The following E2F6 variants were observed in gnomAD, a reference collection of about 807,000 sequenced individuals.
The protein encoded by E2F6 is transcription factor E2F6.
Under a neutral mutation model 31.5 loss-of-function variants are expected in E2F6, and 19 were observed. That is an observed-to-expected ratio of 0.60 (90% confidence interval 0.42 to 0.89). E2F6 has a LOEUF of 0.89. E2F6 is among the 40% of genes least tolerant of loss of function. The probability of loss-of-function intolerance (pLI) is 0.00; values close to 1 mark genes in which losing one functional copy is unlikely to be tolerated. For synonymous variants in E2F6, 121 were observed against 127.7 expected (o/e 0.95, Z 0.36); for missense variants, 269 against 341.6 (o/e 0.79, Z 1.67).
Position 11,453,569 on chromosome 2 carries a change from G to A in E2F6, c.380+13C>T, listed in dbSNP as rs372620661. ...AGGAACAAAAGCCACGAAAAAGTTT[G>A]AAAGCAACTCACATCCATCTAATAT... On this transcript the variant is annotated intron_variant, in intron 3 of 6. Transcript: ENST00000381525. The A allele has an allele frequency of 1.9e-6, 3 of 1,611,854 alleles. No homozygotes were observed. Among genetic ancestry groups the A allele is most frequent in the Non-Finnish European group, 2.5e-6 (3 of 1,178,934 alleles).
rs973136032 is a variant in E2F6, at chr2:11,444,953, A to C, written c.*1524T>G. 3.3e-5 allele frequency: 5 copies of C among 152,216 alleles called. No individual in the cohort carries two copies. Among genetic ancestry groups the C allele is most frequent in the Non-Finnish European group, 5.9e-5 (4 of 68,078 alleles). 9.4% of individuals were successfully genotyped at this position (152,216 alleles called of 1,614,324 possible). A position where few individuals can be genotyped will look rare whatever the true frequency, so the allele number is the denominator to read the frequency against. ...TAATTTCAAATAATAAAACAGAGGG[A>C]GGAAAAGCATTGAGGCTAACCGCTG... On this transcript the variant is annotated 3_prime_UTR_variant, in exon 7 of 7. Transcript: ENST00000381525.
chr2:11,452,144 C>T (rs896946564), intron 3 of E2F6, among the ~76,000 whole-genome samples: 4 of 152,146 alleles, frequency 2.6e-5, no homozygotes, highest in Non-Finnish European at 5.9e-5. Context: ...GTACTTACAA[C>T]GCAGCTTCTG....
intron 1 of E2F6, among the ~76,000 whole-genome samples, chr2:11,459,815 C>T (rs1007195719): frequency 1.3e-5 from 2 of 151,868 alleles, no homozygotes; most frequent in Non-Finnish European, 2.9e-5. Flanking sequence ...ACCCGGGAGG[C>T]AGGGGTTGCA....
Position 11,451,895 on chromosome 2 carries a change from T to C in E2F6, c.381-89A>G, listed in dbSNP as rs1234875728. The C allele has an allele frequency of 3.1e-6, 4 of 1,291,330 alleles. No individual in the cohort carries two copies. The African/African-American group carries it at 4.5e-5, about 15-fold the overall frequency. 80.0% of individuals were successfully genotyped at this position (1,291,330 alleles called of 1,614,324 possible). On this transcript the variant is annotated intron_variant, in intron 3 of 6. Coordinates refer to ENST00000381525, the MANE Select transcript of E2F6 (RefSeq NM_198256.4). The stretch of plus-strand genomic sequence containing the variant: ...AGGTTATTGGAACTTCTCCAAATGT[T>C]TGCCATAAGTGTTTTCCACAACAAT...
chr2:11,458,331 C>T (rs765832285), intron 1 of E2F6: 32 of 1,551,608 alleles, frequency 2.1e-5, no homozygotes, highest in Admixed American at 1.4e-4. Context: ...CCCAGCAAGC[C>T]AGATTTGCCT....
At chr2:11,450,197 G>C (rs1214900812) in intron 4 of E2F6, 71 bp from the exon 5 acceptor site, 1 of 948,944 alleles carries the variant, frequency 1.1e-6, no homozygotes, top group African/African-American at 1.7e-5. Context: ...TAGTAATTCA[G>C]TTAACGCAAG....
Position 11,465,825 on chromosome 2 carries a change from C to T in E2F6, c.55G>A (p.Glu19Lys), listed in dbSNP as rs1296441979. 6.3e-6 allele frequency: 10 copies of T among 1,596,210 alleles called. No individual in the cohort carries two copies. The highest frequency in any genetic ancestry group is 1.3e-5 in the African/African-American group (1 of 74,572). ...CGGCACCGACGGCGAACCGTCTCCT[C>T]CGTCGGGTCCAGGAGGAGACTGGGT... The part of the protein sequence containing the change: ...KLPSLLLDPT[E>K]ETVRRRCRDP... The change falls in exon 1 of 7, where the codon GAG becomes AAG. Residue 19 changes from glutamate (E) to lysine (K), a missense_variant. Glu to Lys is a moderately conservative substitution (Grantham distance 56, BLOSUM62 1). Coordinates refer to ENST00000381525, the MANE Select transcript of E2F6 (RefSeq NM_198256.4).
chr2:11,461,810 T>A (rs1671800187), intron 1 of E2F6, among the ~76,000 whole-genome samples: 1 of 152,246 alleles, frequency 6.6e-6, no homozygotes, highest in South Asian at 2.1e-4. Context: ...GCCATGAAAC[T>A]GAATCCCTGA....
chr2:11,453,932 G>A lies in E2F6; in HGVS notation c.164-134C>T, dbSNP rs769509119. 3.7e-5 allele frequency: 28 copies of A among 754,314 alleles called. No homozygotes were observed. In the East Asian group the frequency reaches 6.0e-4, roughly 16 times the overall value. 46.7% of individuals were successfully genotyped at this position (754,314 alleles called of 1,614,324 possible). ...CCTACACATTGACCAAATCAAAGCT[G>A]GTTTCTATGAAATAAATCTCTTAAA... On this transcript the variant is annotated intron_variant, in intron 2 of 6. Coordinates refer to ENST00000381525, the MANE Select transcript of E2F6 (RefSeq NM_198256.4).
In E2F6 at chr2:11,466,060, C is replaced by T; in HGVS notation, c.-181G>A. 1.8e-6 allele frequency: 1 copy of T among 542,644 alleles called. No individual in the cohort carries two copies. Among genetic ancestry groups the T allele is most frequent in the Non-Finnish European group, 3.2e-6 (1 of 315,518 alleles). 33.6% of individuals were successfully genotyped at this position (542,644 alleles called of 1,614,324 possible). The stretch of plus-strand genomic sequence containing the variant: ...CCGCCCGCCAGTAAACGCGGCACGG[C>T]CTCACGTGCCCGGGAGCTCCCGACG... On this transcript the variant is annotated 5_prime_UTR_variant, in exon 1 of 7. Coordinates refer to ENST00000381525, the MANE Select transcript of E2F6 (RefSeq NM_198256.4).
chr2:11,446,466 C>T lies in E2F6; in HGVS notation c.*11G>A, dbSNP rs781333322. ...CAAAAAACTCAGTGATACATAAATT[C>T]TCAAATGCCATCAGTTGCTTACTTC... On this transcript the variant is annotated 3_prime_UTR_variant, in exon 7 of 7. Coordinates refer to ENST00000381525, the MANE Select transcript of E2F6 (RefSeq NM_198256.4). 8.1e-6 allele frequency: 13 copies of T among 1,600,848 alleles called. No homozygotes were observed. The highest frequency in any genetic ancestry group is 1.3e-5 in the African/African-American group (1 of 74,498).
rs912869270 is a variant in E2F6 at position 11,445,266 on chromosome 2, G to A, written c.*1211C>T. ...TAGACAAACCAAATATTATTATTCT[G>A]ATCTTACAATTCACTCACTCCACTC... is the stretch of plus-strand genomic sequence containing the variant. On this transcript the variant is annotated 3_prime_UTR_variant, in exon 7 of 7. Transcript: ENST00000381525. 43 of 152,426 alleles carry A rather than the reference G, an allele frequency of 2.8e-4. No homozygotes were observed. The highest frequency in any genetic ancestry group is 9.2e-4 in the African/African-American group (38 of 41,428). The allele number at this position is 152,426 out of a possible 1,614,324, so 9.4% of individuals were successfully genotyped here. A position where few individuals can be genotyped will look rare whatever the true frequency, so the allele number is the denominator to read the frequency against.
At chr2:11,446,845 G>A (rs1670748619) in intron 6 of E2F6, among the ~76,000 whole-genome samples, 1 of 152,202 alleles carries the variant, frequency 6.6e-6, no homozygotes, top group African/African-American at 2.4e-5. Context: ...GCTGTTGTCT[G>A]CATGTGGGCA....
At chr2:11,463,148 G>A (rs1671889164) in intron 1 of E2F6, among the ~76,000 whole-genome samples, 2 of 152,146 alleles carry the variant, frequency 1.3e-5, no homozygotes, top group South Asian at 4.1e-4. Context: ...AATACAGATG[G>A]TACCAATATA....
chr2:11,465,678 C>G (rs1162197064), intron 1 of E2F6, 94 bp downstream of exon 1: 1 of 1,348,278 alleles, frequency 7.4e-7, no homozygotes, highest in African/African-American at 1.5e-5. Context: ...AGCAGACGAC[C>G]CAGACGACGG....
intron 6 of E2F6, 88 bp from the exon 7 acceptor site, chr2:11,446,611 C>G: frequency 3.6e-6 from 4 of 1,116,556 alleles, no homozygotes; most frequent in South Asian, 2.7e-5. Context: ...AATACACAAT[C>G]TGACTACTTC....
In E2F6 at chr2:11,465,820, C is replaced by T. The variant is rs1395491748; in HGVS notation, c.60G>A (p.Glu20=). 10 of 1,597,966 alleles carry T rather than the reference C, an allele frequency of 6.3e-6. 1 individual carries two copies. The South Asian group carries it at 9.1e-5, about 14-fold the overall frequency. ...LPSLLLDPTE[E]TVRRRCRDPI... Reference sequence around the variant, plus strand: ...GGTCTCGGCACCGACGGCGAACCGTCTCCTCCGTCGGGTCCAGGAGGAGAC... The same window carrying T: ...GGTCTCGGCACCGACGGCGAACCGTTTCCTCCGTCGGGTCCAGGAGGAGAC... Residue 20 remains glutamate, a synonymous_variant, in exon 1 of 7, where the codon GAG becomes GAA. Transcript: ENST00000381525.
chr2:11,451,581 G>T, intron 4 of E2F6, 70 bp downstream of exon 4: 1 of 1,420,162 alleles, frequency 7.0e-7, no homozygotes, highest in African/African-American at 1.5e-5. Flanking sequence ...AAGTCCCCAA[G>T]CTGACTCTAC....
chr2:11,459,839 G>A (rs1328377066), intron 1 of E2F6, among the ~76,000 whole-genome samples: 2 of 151,970 alleles, frequency 1.3e-5, no homozygotes, highest in Non-Finnish European at 2.9e-5. Context: ...AGCTGAGATC[G>A]TGCCATTGCA....
Sources: gnomAD v4.1 joint callset for allele counts (sites outside exome capture counted in the v4.1 genomes callset) on GRCh38, gnomAD v4.1.1 for gene constraint, MANE v1.5 for transcripts, NCBI Gene and HGNC (gene_info 2026-07-23, HGNC 2026-07-21) for gene names.